The following ZNF429 variants were observed in gnomAD, a reference collection of about 807,000 sequenced individuals.
ZNF429 encodes zinc finger protein 429.
ZNF429 carries 53 observed loss-of-function variants against 56.8 expected under a neutral mutation model. That is an observed-to-expected ratio of 0.93 (90% CI 0.75 to 1.17). The LOEUF (loss-of-function observed/expected upper bound fraction) is 1.17. Ranked by LOEUF, ZNF429 falls within the 50% of genes most tolerant of loss-of-function variation. The pLI is 0.00. For synonymous variants in ZNF429, 278 were observed against 264.7 expected (o/e 1.05, Z -0.49); for missense variants, 849 against 788.4 (o/e 1.08, Z -0.92).
intron 1 of ZNF429, among the ~76,000 whole-genome samples, chr19:21,516,242 C>T (rs2650826): frequency 0.019 from 2,929 of 151,468 alleles, 114 homozygotes; most frequent in African/African-American, 0.067. Context: ...CTATCATCAT[C>T]ATTATTATTA....
At chr19:21,513,424 G>A (rs757141559) in intron 1 of ZNF429, among the ~76,000 whole-genome samples, 1 of 152,130 alleles carries the variant, frequency 6.6e-6, no homozygotes, top group Non-Finnish European at 1.5e-5. Context: ...ACTTCATAGA[G>A]GTTATGAAAG....
At chr19:21,531,122 AAAAAAAACC>A in intron 3 of ZNF429, among the ~76,000 whole-genome samples, 2 of 20,260 alleles carry the variant, frequency 9.9e-5, no homozygotes, top group East Asian at 1.4e-3. Context: ...AAAAAAAAAA[AAAAAAAACC>A]AAAAAAAAAA....
chr19:21,537,373 T>C lies in ZNF429; in HGVS notation c.1320T>C (p.Leu440=), dbSNP rs772025620. 17 of 1,613,612 alleles carry C rather than the reference T, an allele frequency of 1.1e-5. No individual in the cohort carries two copies. Among genetic ancestry groups the C allele is most frequent in the Non-Finnish European group, 1.4e-5 (16 of 1,179,852 alleles). ...AAGTTTTTACCTATTCCTCTACACTTACTAGACATAAGAGAATTCATACTG... is the reference window on the plus strand; with the variant it reads ...AAGTTTTTACCTATTCCTCTACACTCACTAGACATAAGAGAATTCATACTG... ...CGKVFTYSST[L]TRHKRIHTEE... The change falls in exon 4 of 4, where the codon CTT becomes CTC. Residue 440 remains leucine, a synonymous_variant. Transcript: ENST00000358491.
chr19:21,515,588 T>C (rs776175028), intron 1 of ZNF429, among the ~76,000 whole-genome samples: 35 of 152,140 alleles, frequency 2.3e-4, no homozygotes, highest in Non-Finnish European at 3.4e-4. Context: ...TTTTTTGTTT[T>C]TTTGCTGTGA....
intron 1 of ZNF429, chr19:21,518,883 A>G (rs1052154744): frequency 6.6e-6 from 1 of 152,152 alleles, no homozygotes; most frequent in Non-Finnish European, 1.5e-5. Context: ...ATCTTTATCA[A>G]GTTGTGGTCT....
intron 3 of ZNF429, among the ~76,000 whole-genome samples, chr19:21,531,113 A>AAAAACAAAAC: frequency 3.2e-4 from 31 of 98,274 alleles, no homozygotes; most frequent in African/African-American, 1.5e-3. Flanking sequence ...TCTCAAAAAA[A>AAAAACAAAAC]AAAAAAAAAA....
intron 3 of ZNF429, 56 bp downstream of exon 3, chr19:21,530,740 G>C: frequency 7.9e-7 from 1 of 1,267,358 alleles, no homozygotes; most frequent in South Asian, 1.4e-5. Context: ...AGGCCAATAA[G>C]AAAGCCAGTC....
chr19:21,534,030 G>T, intron 3 of ZNF429, among the ~76,000 whole-genome samples: 1 of 151,832 alleles, frequency 6.6e-6, no homozygotes, highest in African/African-American at 2.4e-5. Context: ...CATTGTTTTT[G>T]TTACTGTAGC....
intron 1 of ZNF429, among the ~76,000 whole-genome samples, chr19:21,511,901 C>T (rs1029667425): frequency 7.2e-5 from 11 of 152,132 alleles, no homozygotes; most frequent in Non-Finnish European, 1.3e-4. Flanking sequence ...ACAGCGAAAC[C>T]CCGTCTCCAC....
Position 21,537,349 on chromosome 19 carries a change from A to C in ZNF429, c.1296A>C (p.Lys432Asn), listed in dbSNP as rs1168372715. Residue 432 changes from lysine to asparagine, a missense_variant, in exon 4 of 4, where the codon AAA becomes AAC. By Grantham distance (94) the Lys-to-Asn change is moderately conservative (BLOSUM62 0). Coordinates refer to ENST00000358491, the MANE Select transcript of ZNF429 (RefSeq NM_001001415.4). ...CCTACAATTGTGAAGAATGTGGCAAAGTTTTTACCTATTCCTCTACACTTA... is the reference window on the plus strand; with the variant it reads ...CCTACAATTGTGAAGAATGTGGCAACGTTTTTACCTATTCCTCTACACTTA... ...EKPYNCEECGKVFTYSSTLTR... is the reference protein window; with the variant it reads ...EKPYNCEECGNVFTYSSTLTR... 3.7e-6 allele frequency: 6 copies of C among 1,614,012 alleles called. No homozygotes were observed. The South Asian group carries it at 5.5e-5, about 15-fold the overall frequency.
chr19:21,521,000 T>C (rs1165641435), intron 1 of ZNF429, among the ~76,000 whole-genome samples: 1 of 152,238 alleles, frequency 6.6e-6, no homozygotes, highest in African/African-American at 2.4e-5. Flanking sequence ...GTGTTTTAAC[T>C]GAATTATGGT....
rs761439610 is a variant in ZNF429 at position 21,537,249 on chromosome 19, T to C, written c.1196T>C (p.Phe399Ser). Residue 399 changes from phenylalanine to serine, a missense_variant, in exon 4 of 4, where the codon TTT becomes TCT. Coordinates refer to ENST00000358491, the MANE Select transcript of ZNF429 (RefSeq NM_001001415.4). ...CATACTGGAGAGGAACCCTACAAATTTGAAAAATGTGGCAGAGTTTTTACC... is the reference window on the plus strand; with the variant it reads ...CATACTGGAGAGGAACCCTACAAATCTGAAAAATGTGGCAGAGTTTTTACC... ...KIHTGEEPYK[F>S]EKCGRVFTCS... 35 of 1,604,044 alleles carry C rather than the reference T, an allele frequency of 2.2e-5. No individual in the cohort carries two copies. The highest frequency in any genetic ancestry group is 1.7e-6 in the Non-Finnish European group (2 of 1,176,814).
chr19:21,530,939 C>T, intron 3 of ZNF429, among the ~76,000 whole-genome samples: 2,283 of 151,850 alleles, frequency 0.015, 50 homozygotes, highest in African/African-American at 0.052. Flanking sequence ...AACTGCATCT[C>T]TACTAACAGT....
Position 21,539,270 on chromosome 19 carries a change from T to C in ZNF429, c.*1192T>C, listed in dbSNP as rs533880161. On this transcript the variant is annotated 3_prime_UTR_variant, in exon 4 of 4. Transcript: ENST00000358491. ...ATACATAGAAAAGTCTACATGAATA[T>C]CAGAATTTACAGTAGAAACAACTAA... 5.9e-5 allele frequency among the ~76,000 whole-genome samples: 9 copies of C among 152,016 alleles called. No individual in the cohort carries two copies. The highest frequency in any genetic ancestry group is 1.0e-4 in the Non-Finnish European group (7 of 67,998).
chr19:21,515,561 G>T (rs1317127965), intron 1 of ZNF429, among the ~76,000 whole-genome samples: 5 of 151,252 alleles, frequency 3.3e-5, no homozygotes, highest in African/African-American at 4.8e-5. Context: ...ATTTTTTTTT[G>T]TGTGTGGTGT....
intron 1 of ZNF429, 81 bp downstream of exon 1, chr19:21,505,855 T>C (rs2032112927): frequency 6.6e-7 from 1 of 1,506,970 alleles, no homozygotes; most frequent in Non-Finnish European, 9.1e-7. Flanking sequence ...CGGACTTAGG[T>C]CTCCCGGCAG....
At chr19:21,516,069 T>A (rs1041669036) in intron 1 of ZNF429, among the ~76,000 whole-genome samples, 10 of 151,970 alleles carry the variant, frequency 6.6e-5, no homozygotes, top group Non-Finnish European at 1.5e-4. Flanking sequence ...TAAATTTTTT[T>A]ATTTTTTTTA....
chr19:21,519,865 A>AT (rs2032923406), intron 1 of ZNF429, among the ~76,000 whole-genome samples: 2 of 75,214 alleles, frequency 2.7e-5, no homozygotes, highest in African/African-American at 1.1e-4. Flanking sequence ...TGCACCCATG[A>AT]ATTTTTTTTT....
rs1310589334 is a variant in ZNF429 at position 21,539,953 on chromosome 19, C to T, written c.*1875C>T. 5.3e-5 allele frequency among the ~76,000 whole-genome samples: 8 copies of T among 152,026 alleles called. No homozygotes were observed. The highest frequency in any genetic ancestry group is 5.2e-4 in the Admixed American group (8 of 15,260). On this transcript the variant is annotated 3_prime_UTR_variant, in exon 4 of 4. Coordinates refer to ENST00000358491, the MANE Select transcript of ZNF429 (RefSeq NM_001001415.4). ...AAAATGTAAGATGCTTGATGAAAATCTAAGTGGAGAGGCTCTTTGTGGTTA... is the reference window on the plus strand; with the variant it reads ...AAAATGTAAGATGCTTGATGAAAATTTAAGTGGAGAGGCTCTTTGTGGTTA...
Sources: allele counts gnomAD v4.1 joint callset (sites outside exome capture counted in the v4.1 genomes callset), GRCh38; gene constraint gnomAD v4.1.1; transcripts MANE v1.5; gene names NCBI Gene and HGNC (gene_info 2026-07-23, HGNC 2026-07-21).